The following ARID1B variants were observed in gnomAD, a reference collection of about 807,000 sequenced individuals.
ARID1B encodes AT-rich interactive domain-containing protein 1B.
In ARID1B, 30 loss-of-function variants were observed where a neutral mutation model predicts 212.3. The observed-to-expected ratio is 0.14, with a 90% CI of 0.11 to 0.19. The LOEUF (loss-of-function observed/expected upper bound fraction) is 0.19, where lower values mean the gene tolerates loss of function less well. Ranked by LOEUF, ARID1B falls within the 10% of genes least tolerant of loss-of-function variation. The probability of loss-of-function intolerance (pLI) is 1.00; values close to 1 mark genes in which losing one functional copy is unlikely to be tolerated. For missense variants in ARID1B, 2,891 were observed against 3,204.0 expected (o/e 0.90, Z 2.36); for synonymous variants, 1,402 against 1,301.7 (o/e 1.08, Z -1.66).
intron 7 of ARID1B, among the ~76,000 whole-genome samples, chr6:157,144,445 A>G (rs1187237890): frequency 6.6e-6 from 1 of 152,262 alleles, no homozygotes; most frequent in East Asian, 1.9e-4. Flanking sequence ...GGTGGAAACT[A>G]GCCCTCAAGT....
intron 4 of ARID1B, chr6:157,022,497 TG>T (rs1780381578): frequency 6.6e-6 from 1 of 152,240 alleles, no homozygotes. Flanking sequence ...TTGGGATCAC[TG>T]GGTGGTCTCT....
chr6:156,945,034 T>C (rs1218378072), intron 4 of ARID1B, among the ~76,000 whole-genome samples: 1 of 150,186 alleles, frequency 6.7e-6, no homozygotes, highest in Non-Finnish European at 1.5e-5. Flanking sequence ...GCCATTCTCC[T>C]GCCTCAGCCT....
At chr6:156,814,878 A>G (rs1024942846) in intron 1 of ARID1B, among the ~76,000 whole-genome samples, 2 of 152,030 alleles carry the variant, frequency 1.3e-5, no homozygotes, top group African/African-American at 4.8e-5. Flanking sequence ...TTTTTTTAAT[A>G]CAACAAATGC....
intron 8 of ARID1B, among the ~76,000 whole-genome samples, chr6:157,153,294 A>G (rs1170746264): frequency 6.6e-6 from 1 of 152,192 alleles, no homozygotes; most frequent in Non-Finnish European, 1.5e-5. Flanking sequence ...TTGTTCACGT[A>G]CTAGATTCAC....
Position 157,198,935 on chromosome 6 carries a change from T to G in ARID1B, c.4479+28T>G, listed in dbSNP as rs766411406. The G allele has an allele frequency of 7.1e-6, 11 of 1,545,836 alleles. No individual in the cohort carries two copies. The Admixed American group carries it at 2.1e-4, about 29-fold the overall frequency. On this transcript the variant is annotated intron_variant, in intron 17 of 19. Coordinates refer to ENST00000636930, the MANE Select transcript of ARID1B (RefSeq NM_001374828.1). ...GAGTTGGCAAGTGGGCGTGGGGTGC[T>G]GTGTTTTCTGGTTCTGTCCTGGAGG...
At chr6:156,822,307 G>T (rs1782407218) in intron 1 of ARID1B, among the ~76,000 whole-genome samples, 1 of 152,244 alleles carries the variant, frequency 6.6e-6, no homozygotes, top group South Asian at 2.1e-4. Context: ...GCAGTGTTTT[G>T]TTGTGAGTTG....
chr6:156,861,983 T>C (rs1164017799), intron 2 of ARID1B, among the ~76,000 whole-genome samples: 1 of 152,192 alleles, frequency 6.6e-6, no homozygotes, highest in Non-Finnish European at 1.5e-5. Context: ...GATTTTCCAG[T>C]GTGCAGCGTG....
At chr6:157,084,226 C>T (rs754195862) in intron 4 of ARID1B, among the ~76,000 whole-genome samples, 1 of 150,614 alleles carries the variant, frequency 6.6e-6, no homozygotes, top group East Asian at 2.0e-4. Flanking sequence ...TTGAAATTCA[C>T]GTAGTCCACC....
At chr6:157,038,658 CAT>C in intron 4 of ARID1B, among the ~76,000 whole-genome samples, 1 of 152,156 alleles carries the variant, frequency 6.6e-6, no homozygotes, top group East Asian at 1.9e-4. Context: ...CAGTATTTAA[CAT>C]ATGGTTGTCT....
chr6:157,090,094 C>G (rs1451189552), intron 5 of ARID1B, among the ~76,000 whole-genome samples: 1 of 152,192 alleles, frequency 6.6e-6, no homozygotes, highest in Non-Finnish European at 1.5e-5. Flanking sequence ...TGTCTTGCCT[C>G]CAGAGCCAGC....
At chr6:156,956,993 G>C (rs973991294) in intron 4 of ARID1B, among the ~76,000 whole-genome samples, 10 of 152,274 alleles carry the variant, frequency 6.6e-5, no homozygotes, top group Non-Finnish European at 8.8e-5. Context: ...ACAATGTTAG[G>C]TTAAGACTCT....
chr6:157,001,170 G>A (rs540615255), intron 4 of ARID1B, among the ~76,000 whole-genome samples: 3 of 152,312 alleles, frequency 2.0e-5, no homozygotes, highest in African/African-American at 7.2e-5. Context: ...AACGGGGTAG[G>A]TGAAGATGCC....
chr6:157,173,108 T>C (rs984587863), intron 9 of ARID1B: 7 of 152,246 alleles, frequency 4.6e-5, no homozygotes, highest in Admixed American at 6.5e-5. Context: ...TCAGCTGTTA[T>C]TCCCTGGATA....
intron 4 of ARID1B, among the ~76,000 whole-genome samples, chr6:157,004,890 CTTTT>C (rs1779118895): frequency 1.1e-4 from 4 of 35,688 alleles, no homozygotes; most frequent in African/African-American, 2.6e-4. Context: ...TTTTCTTCTT[CTTTT>C]TTCTTTTTTT....
intron 7 of ARID1B, among the ~76,000 whole-genome samples, chr6:157,145,098 C>T (rs981678611): frequency 2.0e-5 from 3 of 152,146 alleles, no homozygotes; most frequent in Non-Finnish European, 2.9e-5. Context: ...TTCCTCAGAT[C>T]TGTTGTTGTG....
chr6:157,156,736 G>T (rs1180360766), intron 8 of ARID1B, among the ~76,000 whole-genome samples: 2 of 152,182 alleles, frequency 1.3e-5, no homozygotes, highest in Non-Finnish European at 2.9e-5. Flanking sequence ...TCCCCTGGTG[G>T]TTCTGGTGTG....
At chr6:157,162,905 G>A (rs879351014) in intron 8 of ARID1B, among the ~76,000 whole-genome samples, 2 of 152,110 alleles carry the variant, frequency 1.3e-5, no homozygotes, top group East Asian at 1.9e-4. Context: ...CCATGGACTC[G>A]GCATCTGCAG....
chr6:157,016,064 A>G (rs1224094830), intron 4 of ARID1B, among the ~76,000 whole-genome samples: 1 of 152,200 alleles, frequency 6.6e-6, no homozygotes, highest in Non-Finnish European at 1.5e-5. Context: ...TGCCTAGTTT[A>G]AGTACAGTAC....
chr6:157,075,036 G>C (rs550610302), intron 4 of ARID1B, among the ~76,000 whole-genome samples: 1 of 152,262 alleles, frequency 6.6e-6, no homozygotes, highest in African/African-American at 2.4e-5. Flanking sequence ...CTCCTTTTGA[G>C]TAGTTTTTGA....
Sources: gnomAD v4.1 joint callset for allele counts (sites outside exome capture counted in the v4.1 genomes callset) on GRCh38, gnomAD v4.1.1 for gene constraint, MANE v1.5 for transcripts, NCBI Gene and HGNC (gene_info 2026-07-23, HGNC 2026-07-21) for gene names.